BRCA2: variants seen among roughly 807,000 people sequenced by gnomAD.
BRCA2 encodes breast cancer type 2 susceptibility protein.
BRCA2 carries 203 observed loss-of-function variants against 276.7 expected under a neutral mutation model. The ratio of observed to expected loss-of-function variants is 0.73; its 90% CI spans 0.65 to 0.82. The LOEUF (loss-of-function observed/expected upper bound fraction) is 0.82, where lower values mean the gene tolerates loss of function less well. Ranked by LOEUF, BRCA2 falls within the 40% of genes least tolerant of loss-of-function variation. The probability of loss-of-function intolerance (pLI) is 0.00; values close to 1 mark genes in which losing one functional copy is unlikely to be tolerated. For synonymous variants in BRCA2, 1,289 were observed against 1,338.4 expected (o/e 0.96, Z 0.81); for missense variants, 3,920 against 3,915.0 (o/e 1.00, Z -0.03).
In BRCA2 at chr13:32,362,346, TATG is replaced by T. The variant is rs1387877889; in HGVS notation, c.7806-174_7806-172del. ...TGCTCAGCAATGAAGTTTTTATCAG[TATG>T]ATACTTTGATACATGTCAAATAATT... On this transcript the variant is annotated intron_variant, in intron 16 of 26. Transcript: ENST00000380152. 2.6e-5 allele frequency among the ~76,000 whole-genome samples: 4 copies of T among 152,216 alleles called. No individual in the cohort carries two copies. In the East Asian group the frequency reaches 7.7e-4, roughly 29 times the overall value.
rs2072759615 is a variant in BRCA2 at position 32,363,439 on chromosome 13, C to T, written c.8237C>T (p.Thr2746Ile). The T allele has an allele frequency of 6.2e-7, 1 of 1,614,136 alleles. No homozygotes were observed. The highest frequency in any genetic ancestry group is 8.5e-7 in the Non-Finnish European group (1 of 1,180,018). ...LLAVLKNGRL[T>I]VGQKIILHGA... The stretch of plus-strand genomic sequence containing the variant: ...GCTGTCTTAAAGAATGGCAGACTGA[C>T]AGTTGGTCAGAAGATTATTCTTCAT... Residue 2746 changes from threonine to isoleucine, a missense_variant, in exon 18 of 27, where the codon ACA (threonine) becomes ATA (isoleucine). Around this residue, in one of 2 missense-constraint regions of BRCA2, gnomAD observed 3,263 missense variants for 3,156.9 expected, o/e 1.03. Transcript: ENST00000380152.
intron 7 of BRCA2, among the ~76,000 whole-genome samples, chr13:32,328,674 A>T (rs1425432140): frequency 6.6e-6 from 1 of 152,226 alleles, no homozygotes; most frequent in East Asian, 1.9e-4. Flanking sequence ...AATACAATAT[A>T]TCTAGTTAAA....
chr13:32,384,417 AG>A (rs2072944828), intron 24 of BRCA2, among the ~76,000 whole-genome samples: 1 of 152,224 alleles, frequency 6.6e-6, no homozygotes, highest in African/African-American at 2.4e-5. Context: ...AAAGCCTGGA[AG>A]CGGAATCCAG....
At chr13:32,321,455 A>T (rs535543672) in intron 3 of BRCA2, among the ~76,000 whole-genome samples, 1 of 152,324 alleles carries the variant, frequency 6.6e-6, no homozygotes, top group South Asian at 2.1e-4. Flanking sequence ...AAAAAGCTCC[A>T]TAAAGCAGTT....
chr13:32,340,035 T>TA lies in BRCA2; in HGVS notation c.5681dup (p.Tyr1894Ter), dbSNP rs80359527. 1.9e-6 allele frequency: 3 copies of TA among 1,613,658 alleles called. No homozygotes were observed. The highest frequency in any genetic ancestry group is 2.2e-5 in the East Asian group (1 of 44,850). The change falls in exon 11 of 27, where the codon TAC becomes TAAC. Residue 1894 changes from tyrosine to a stop codon, truncating the protein, a stop_gained and frameshift_variant. Transcript: ENST00000380152. LOFTEE classifies it high-confidence loss of function. ...ICQTKIMAGC[Y>*]EALDDSEDIL... ...CCAAACGAAAATTATGGCAGGTTGT[T>TA]ACGAGGCATTGGATGATTCAGAGGA...
intron 7 of BRCA2, 109 bp downstream of exon 7, chr13:32,326,722 C>G (rs1476438375): frequency 3.4e-4 from 271 of 798,192 alleles, no homozygotes; most frequent in Non-Finnish European, 6.4e-5. Context: ...TAGATAATGT[C>G]TTTGATAAGT....
At chr13:32,352,087 C>G (rs1484373513) in intron 13 of BRCA2, among the ~76,000 whole-genome samples, 1 of 152,194 alleles carries the variant, frequency 6.6e-6, no homozygotes, top group East Asian at 1.9e-4. Flanking sequence ...AGACGTGAGC[C>G]ACTGTACCAG....
rs1555286886 is a variant in BRCA2 at position 32,362,712 on chromosome 13, A to G, written c.7976+19A>G. 1 of 1,613,468 alleles carries G rather than the reference A, an allele frequency of 6.2e-7. No individual in the cohort carries two copies. Among genetic ancestry groups the G allele is most frequent in the South Asian group, 1.1e-5 (1 of 91,064 alleles). On this transcript the variant is annotated intron_variant, in intron 17 of 26. Transcript: ENST00000380152. Reference sequence around the variant, plus strand: ...AATACAGGCAAGTTTAAAGCATTACATTACGTAATCATATACGGCAGTATG... The same window carrying G: ...AATACAGGCAAGTTTAAAGCATTACGTTACGTAATCATATACGGCAGTATG...
chr13:32,346,953 T>A (rs2137542131), intron 13 of BRCA2, 57 bp downstream of exon 13: 1 of 1,334,420 alleles, frequency 7.5e-7, no homozygotes, highest in Non-Finnish European at 1.0e-6. Context: ...AGTCTCGTTT[T>A]TATAAATGAA....
Position 32,338,905 on chromosome 13 carries a change from A to G in BRCA2, c.4550A>G (p.Lys1517Arg), listed in dbSNP as rs587781468. 2 of 1,614,018 alleles carry G rather than the reference A, an allele frequency of 1.2e-6. No individual in the cohort carries two copies. The highest frequency in any genetic ancestry group is 2.2e-5 in the South Asian group (2 of 91,070). The change falls in exon 11 of 27, where the codon AAA (lysine) becomes AGA (arginine). Residue 1517 changes from lysine (K) to arginine (R), a missense_variant. Lys to Arg is a conservative substitution (Grantham distance 26). Transcript: ENST00000380152. ...QGQPERDEKI[K>R]EPTLLGFHTA... ...CAACCCGAACGTGATGAAAAGATCA[A>G]AGAACCTACTCTATTGGGTTTTCAT... is the stretch of plus-strand genomic sequence containing the variant.
intron 21 of BRCA2, among the ~76,000 whole-genome samples, chr13:32,376,994 G>A (rs2072878399): frequency 6.6e-6 from 1 of 152,112 alleles, no homozygotes; most frequent in African/African-American, 2.4e-5. Context: ...GAGGATGGGA[G>A]GGTTCTAGAA....
chr13:32,378,766 A>G (rs1020324061), intron 21 of BRCA2, among the ~76,000 whole-genome samples: 2 of 152,224 alleles, frequency 1.3e-5, no homozygotes, highest in Non-Finnish European at 2.9e-5. Flanking sequence ...AGTAGGACAG[A>G]AGTGTAGAGG....
intron 18 of BRCA2, among the ~76,000 whole-genome samples, chr13:32,368,069 G>A (rs2072797825): frequency 7.8e-6 from 1 of 128,958 alleles, no homozygotes; most frequent in African/African-American, 3.0e-5. Context: ...GCCCAGGCTG[G>A]AGTGCAGTGG....
chr13:32,326,021 ATCT>A, intron 4 of BRCA2, 77 bp from the exon 5 acceptor site: 1 of 1,246,322 alleles, frequency 8.0e-7, no homozygotes, highest in Non-Finnish European at 1.2e-6. Flanking sequence ...ATGAATGAGA[ATCT>A]TCTTTTAAAA....
intron 8 of BRCA2, among the ~76,000 whole-genome samples, chr13:32,330,017 C>G (rs2072377308): frequency 6.6e-6 from 1 of 152,182 alleles, no homozygotes; most frequent in Non-Finnish European, 1.5e-5. Flanking sequence ...GCTTCATCAG[C>G]AGATGTGGCC....
rs786201560 is a variant in BRCA2, at chr13:32,316,512, C to T, written c.52C>T (p.Arg18Cys). The change falls in exon 2 of 27, where the codon CGC (arginine) becomes TGC (cysteine). Residue 18 changes from arginine (R) to cysteine (C), a missense_variant. Physicochemically the swap from Arg to Cys is radical, Grantham distance 180 (BLOSUM62 -3). Around this residue, in one of 2 missense-constraint regions of BRCA2, gnomAD observed 3,263 missense variants for 3,156.9 expected, o/e 1.03. Coordinates refer to ENST00000380152, the MANE Select transcript of BRCA2 (RefSeq NM_000059.4). ...RPTFFEIFKT[R>C]CNKADLGPIS... ...AACATTTTTTGAAATTTTTAAGACACGCTGCAACAAAGCAGGTATTGACAA... is the reference window on the plus strand; with the variant it reads ...AACATTTTTTGAAATTTTTAAGACATGCTGCAACAAAGCAGGTATTGACAA... The T allele has an allele frequency of 1.2e-6, 2 of 1,613,732 alleles. No homozygotes were observed. Among genetic ancestry groups the T allele is most frequent in the Non-Finnish European group, 1.7e-6 (2 of 1,179,736 alleles).
chr13:32,344,477 TA>T, intron 11 of BRCA2, 80 bp from the exon 12 acceptor site: 6 of 904,904 alleles, frequency 6.6e-6, no homozygotes, highest in Non-Finnish European at 8.6e-6. Flanking sequence ...ACTTTAGCTT[TA>T]AAAAAATGGT....
At position 32,338,513 on chromosome 13, in the gene BRCA2, T is replaced by G. The variant is rs2137503483; in HGVS notation, c.4158T>G (p.Asp1386Glu). ...CTCAGATTAAAGAAGATTTGTCAGA[T>G]TTAACTTTTTTGGAAGTTGCGAAAG... ...GNTQIKEDLS[D>E]LTFLEVAKAQ... The change falls in exon 11 of 27, where the codon GAT becomes GAG. Residue 1386 changes from aspartate to glutamate, a missense_variant. By Grantham distance (45) the Asp-to-Glu change is conservative (BLOSUM62 2). Transcript: ENST00000380152. 1 of 1,604,190 alleles carries G rather than the reference T, an allele frequency of 6.2e-7. No individual in the cohort carries two copies. Among genetic ancestry groups the G allele is most frequent in the Non-Finnish European group, 8.5e-7 (1 of 1,177,384 alleles).
chr13:32,378,240 T>A (rs1321913226), intron 21 of BRCA2, among the ~76,000 whole-genome samples: 1 of 152,258 alleles, frequency 6.6e-6, no homozygotes, highest in Non-Finnish European at 1.5e-5. Context: ...CCAGCCACTC[T>A]GTAACTGGAC....
Sources: gnomAD v4.1 joint callset for allele counts (sites outside exome capture counted in the v4.1 genomes callset) on GRCh38, gnomAD v4.1.1 for gene constraint, gnomAD v4.1.1 regional missense constraint, MANE v1.5 for transcripts, NCBI Gene and HGNC (gene_info 2026-07-23, HGNC 2026-07-21) for gene names.